INPP4B: variants seen among roughly 807,000 people sequenced by gnomAD.
INPP4B encodes inositol polyphosphate-4-phosphatase type II B.
INPP4B carries 55 observed loss-of-function variants against 122.5 expected under a neutral mutation model. The ratio of observed to expected loss-of-function variants is 0.45; its 90% CI spans 0.36 to 0.56. INPP4B has a LOEUF of 0.56. Among genes scored for constraint, INPP4B ranks in the 20% least tolerant of loss-of-function variants. The pLI is 0.00. For missense variants in INPP4B, 1,000 were observed against 1,097.7 expected (o/e 0.91, Z 1.26); for synonymous variants, 403 against 388.7 (o/e 1.04, Z -0.43).
chr4:142,145,290 C>A (rs1810083101), intron 18 of INPP4B, among the ~76,000 whole-genome samples: 1 of 152,066 alleles, frequency 6.6e-6, no homozygotes, highest in African/African-American at 2.4e-5. Context: ...CACATGTGTG[C>A]ATGGTTTCAC....
intron 1 of INPP4B, among the ~76,000 whole-genome samples, chr4:142,737,144 G>A (rs1170935948): frequency 6.6e-6 from 1 of 152,124 alleles, no homozygotes; most frequent in Non-Finnish European, 1.5e-5. Flanking sequence ...AAAAGAGCCT[G>A]CATTGCCAAG....
intron 11 of INPP4B, among the ~76,000 whole-genome samples, chr4:142,253,973 G>C (rs541531162): frequency 2.0e-5 from 3 of 152,316 alleles, no homozygotes; most frequent in Admixed American, 6.5e-5. Context: ...GCTTTGAAGA[G>C]AGCAGTGGTT....
chr4:142,425,073 G>A (rs1225795134), intron 5 of INPP4B: 1 of 151,980 alleles, frequency 6.6e-6, no homozygotes, highest in Non-Finnish European at 1.5e-5. Flanking sequence ...TTAAATTTAA[G>A]AGGAAAAAAC....
intron 2 of INPP4B, among the ~76,000 whole-genome samples, chr4:142,680,872 T>C (rs147820185): frequency 5.0e-4 from 76 of 151,962 alleles, no homozygotes; most frequent in African/African-American, 1.8e-3. Flanking sequence ...ATGGCTATCA[T>C]AGTAGATGGG....
chr4:142,624,013 C>G (rs980412173), intron 2 of INPP4B, among the ~76,000 whole-genome samples: 17 of 152,172 alleles, frequency 1.1e-4, no homozygotes, highest in South Asian at 4.1e-4. Flanking sequence ...ATCGTGAATA[C>G]TGCCGCAATA....
chr4:142,638,139 T>C (rs1003072828), intron 2 of INPP4B, among the ~76,000 whole-genome samples: 4 of 152,208 alleles, frequency 2.6e-5, no homozygotes, highest in Non-Finnish European at 5.9e-5. Context: ...TTTCTCCCAG[T>C]CCGTGGCTTG....
Position 142,177,649 on chromosome 4 carries a change from T to C in INPP4B, c.1182-3840A>G, listed in dbSNP as rs1176999360. Among the ~76,000 whole-genome samples, 3 of 152,220 alleles carry C rather than the reference T, an allele frequency of 2.0e-5. No individual in the cohort carries two copies. The East Asian group carries it at 5.8e-4, about 29-fold the overall frequency. On this transcript the variant is annotated intron_variant, in intron 15 of 25. Transcript: ENST00000262992. Reference sequence around the variant, plus strand: ...TGTACTATATACTTTAATATATTCATTTAAATACGGTAATTTAATATATTT... The same window carrying C: ...TGTACTATATACTTTAATATATTCACTTAAATACGGTAATTTAATATATTT...
intron 1 of INPP4B, among the ~76,000 whole-genome samples, chr4:142,768,145 G>A (rs575588161): frequency 3.3e-5 from 5 of 152,234 alleles, no homozygotes; most frequent in East Asian, 1.9e-4. Flanking sequence ...TGGTTAGAAC[G>A]AACCTGGCAT....
rs542614944 is a variant in INPP4B at position 142,394,197 on chromosome 4, GT to G, written c.372+8740del. Among the ~76,000 whole-genome samples the G allele has an allele frequency of 5.1e-3, 776 of 152,312 alleles. 6 individuals carry two copies. The highest frequency in any genetic ancestry group is 0.018 in the African/African-American group (737 of 41,562). On this transcript the variant is annotated intron_variant, in intron 7 of 25. Coordinates refer to ENST00000262992, the MANE Select transcript of INPP4B (RefSeq NM_001101669.3). ...GTCTCGCTCTGTCGCCCAGGGTAGA[GT>G]GCTGGGGCACAATCTCAGTTCACTG...
intron 1 of INPP4B, among the ~76,000 whole-genome samples, chr4:142,779,598 A>C (rs1240956249): frequency 6.6e-6 from 1 of 152,072 alleles, no homozygotes; most frequent in Non-Finnish European, 1.5e-5. Context: ...TTGGTATGGC[A>C]TCCCTTCCCT....
At chr4:142,703,423 A>T (rs1762064685) in intron 2 of INPP4B, among the ~76,000 whole-genome samples, 1 of 152,324 alleles carries the variant, frequency 6.6e-6, no homozygotes, top group Non-Finnish European at 1.5e-5. Context: ...TTAAAGGAAC[A>T]TTATGAGGGG....
chr4:142,622,896 A>G (rs568228167), intron 2 of INPP4B, among the ~76,000 whole-genome samples: 1 of 152,108 alleles, frequency 6.6e-6, no homozygotes, highest in African/African-American at 2.4e-5. Context: ...AGCATACAAA[A>G]TATATTCATA....
chr4:142,707,845 A>G (rs541684288), intron 2 of INPP4B, among the ~76,000 whole-genome samples: 1 of 152,366 alleles, frequency 6.6e-6, no homozygotes, highest in Admixed American at 6.5e-5. Context: ...GAACTGGGTA[A>G]GGGACACAGG....
chr4:142,806,832 A>G (rs540656443), intron 1 of INPP4B, among the ~76,000 whole-genome samples: 1 of 149,268 alleles, frequency 6.7e-6, no homozygotes, highest in South Asian at 2.1e-4. Flanking sequence ...AGAAAGAAAG[A>G]AAGAAAGAAA....
chr4:142,648,463 T>C (rs114104490), intron 2 of INPP4B, among the ~76,000 whole-genome samples: 1,756 of 152,294 alleles, frequency 0.012, 31 homozygotes, highest in African/African-American at 0.032. Context: ...GACACTCCTG[T>C]ATGAATACTG....
At chr4:142,103,088 T>C (rs1785252560) in intron 23 of INPP4B, among the ~76,000 whole-genome samples, 2 of 152,124 alleles carry the variant, frequency 1.3e-5, no homozygotes, top group Admixed American at 6.6e-5. Flanking sequence ...TTTCAGTCCA[T>C]GCTTTTTATT....
rs754299055 is a variant in INPP4B, at chr4:142,112,523, C to T, written c.2276+19G>A. The T allele has an allele frequency of 6.2e-6, 10 of 1,611,716 alleles. No individual in the cohort carries two copies. The highest frequency in any genetic ancestry group is 1.3e-5 in the African/African-American group (1 of 74,818). On this transcript the variant is annotated intron_variant, in intron 22 of 25. Coordinates refer to ENST00000262992, the MANE Select transcript of INPP4B (RefSeq NM_001101669.3). The stretch of plus-strand genomic sequence containing the variant: ...GAACAAAGAAAAATCTCAAGTGCGA[C>T]TCTTACACCAAAGCTTACCTTTCAG...
intron 2 of INPP4B, among the ~76,000 whole-genome samples, chr4:142,651,287 C>CA (rs1752913301): frequency 6.6e-6 from 1 of 152,068 alleles, no homozygotes; most frequent in African/African-American, 2.4e-5. Flanking sequence ...CTAAAATTGA[C>CA]AGCTAACATC....
chr4:142,455,341 T>A (rs1580110745), intron 3 of INPP4B, among the ~76,000 whole-genome samples: 1 of 152,010 alleles, frequency 6.6e-6, no homozygotes, highest in African/African-American at 2.4e-5. Flanking sequence ...CTGGTAACCA[T>A]CCTTCTACCC....
Sources: allele counts gnomAD v4.1 joint callset (sites outside exome capture counted in the v4.1 genomes callset), GRCh38; gene constraint gnomAD v4.1.1; transcripts MANE v1.5; gene names NCBI Gene and HGNC (gene_info 2026-07-23, HGNC 2026-07-21).